GRIN2A: variants seen among roughly 807,000 people sequenced by gnomAD.
GRIN2A encodes glutamate receptor ionotropic, NMDA 2A.
Under a neutral mutation model 113.4 loss-of-function variants are expected in GRIN2A, and 22 were observed. The ratio of observed to expected loss-of-function variants is 0.19; its 90% CI spans 0.14 to 0.28. The LOEUF is 0.28. GRIN2A is among the 10% of genes least tolerant of loss of function. The pLI, the probability that GRIN2A is intolerant of heterozygous loss-of-function variation, is 1.00. For missense variants in GRIN2A, 1,502 were observed against 1,887.0 expected (o/e 0.80, Z 3.78); for synonymous variants, 827 against 738.4 (o/e 1.12, Z -1.94).
chr16:9,816,736 G>A (rs1434714515), intron 10 of GRIN2A, among the ~76,000 whole-genome samples: 1 of 152,128 alleles, frequency 6.6e-6, no homozygotes, highest in Non-Finnish European at 1.5e-5. Context: ...TTTGATTAGG[G>A]CATATCGGAG....
chr16:9,769,148 C>A, intron 11 of GRIN2A, 59 bp from the exon 12 acceptor site: 1 of 1,329,086 alleles, frequency 7.5e-7, no homozygotes, highest in Non-Finnish European at 1.1e-6. Flanking sequence ...TTGGGGCAGA[C>A]GCTTCTGGGT....
At chr16:10,166,777 C>T (rs1183566988) in intron 2 of GRIN2A, among the ~76,000 whole-genome samples, 3 of 152,172 alleles carry the variant, frequency 2.0e-5, no homozygotes, top group African/African-American at 7.2e-5. Context: ...TCTCCCTCTG[C>T]CAACCCCTGA....
At chr16:9,940,061 A>AGAGAGT (rs536496290) in intron 2 of GRIN2A, among the ~76,000 whole-genome samples, 1 of 142,898 alleles carries the variant, frequency 7.0e-6, no homozygotes, top group African/African-American at 2.6e-5. Context: ...AGAGAGAGAG[A>AGAGAGT]GTGTGTGTGT....
intron 3 of GRIN2A, among the ~76,000 whole-genome samples, chr16:9,908,427 A>G (rs1043486969): frequency 1.3e-5 from 2 of 151,946 alleles, no homozygotes; most frequent in African/African-American, 4.8e-5. Context: ...TCTTTTTACT[A>G]TAGTCCTTCT....
At chr16:10,118,791 T>A (rs908981799) in intron 2 of GRIN2A, among the ~76,000 whole-genome samples, 2 of 152,202 alleles carry the variant, frequency 1.3e-5, no homozygotes, top group African/African-American at 2.4e-5. Context: ...CCAGAGACTG[T>A]CACAGAATTT....
At chr16:9,811,987 A>G (rs1214305636) in intron 10 of GRIN2A, among the ~76,000 whole-genome samples, 3 of 152,226 alleles carry the variant, frequency 2.0e-5, no homozygotes, top group African/African-American at 7.2e-5. Flanking sequence ...TTGAAACAGT[A>G]GTAAAGATTT....
At chr16:9,873,528 C>A (rs566271903) in intron 4 of GRIN2A, among the ~76,000 whole-genome samples, 24 of 142,964 alleles carry the variant, frequency 1.7e-4, no homozygotes, top group African/African-American at 6.5e-4. Context: ...AAGTGAGACA[C>A]CCCCCATCTC....
At chr16:10,064,418 G>T (rs1485433815) in intron 2 of GRIN2A, among the ~76,000 whole-genome samples, 1 of 152,166 alleles carries the variant, frequency 6.6e-6, no homozygotes, top group Non-Finnish European at 1.5e-5. Context: ...CCCTGCACCA[G>T]AGATCCTCAA....
chr16:10,179,057 T>C (rs2050206578), intron 2 of GRIN2A, among the ~76,000 whole-genome samples: 1 of 152,234 alleles, frequency 6.6e-6, no homozygotes, highest in Admixed American at 6.5e-5. Context: ...CCTCCACTTC[T>C]GTGTAATTCC....
intron 2 of GRIN2A, among the ~76,000 whole-genome samples, chr16:10,160,412 TA>T (rs1228521994): frequency 6.6e-6 from 1 of 152,250 alleles, no homozygotes; most frequent in Non-Finnish European, 1.5e-5. Context: ...TTCTAGCTTC[TA>T]AATTCCACCC....
At chr16:9,765,735 A>G (rs541365131) in intron 12 of GRIN2A, among the ~76,000 whole-genome samples, 39 of 152,158 alleles carry the variant, frequency 2.6e-4, no homozygotes, top group Non-Finnish European at 4.4e-4. Context: ...GACTCAATCT[A>G]TTCCTTGTGT....
intron 2 of GRIN2A, among the ~76,000 whole-genome samples, chr16:10,055,606 G>A (rs150490446): frequency 6.6e-6 from 1 of 152,328 alleles, no homozygotes; most frequent in African/African-American, 2.4e-5. Flanking sequence ...CTGGCACCAA[G>A]CTGCAAACTC....
intron 11 of GRIN2A, among the ~76,000 whole-genome samples, chr16:9,791,283 G>A (rs1380899364): frequency 5.3e-5 from 8 of 152,092 alleles, no homozygotes; most frequent in African/African-American, 1.9e-4. Context: ...CAGGAAATGG[G>A]GTTAGGAAAA....
At chr16:9,930,743 G>GTTTT (rs2044571566) in intron 3 of GRIN2A, among the ~76,000 whole-genome samples, 1 of 152,182 alleles carries the variant, frequency 6.6e-6, no homozygotes, top group Non-Finnish European at 1.5e-5. Context: ...AAAACCAACA[G>GTTTT]TGATCATTCT....
chr16:10,077,459 C>T (rs1256253447), intron 2 of GRIN2A, among the ~76,000 whole-genome samples: 2 of 152,190 alleles, frequency 1.3e-5, no homozygotes, highest in African/African-American at 2.4e-5. Flanking sequence ...ACATCCCACA[C>T]TCTCACCACT....
At position 9,822,315 on chromosome 16, in the gene GRIN2A, G is replaced by A. The variant is rs1423127538; in HGVS notation, c.2117C>T (p.Thr706Ile). ...NNYPYMHQYM[T>I]KFNQKGVEDA... Reference sequence around the variant, plus strand: ...CTCTACTCCTTTCTGATTAAATTTGGTCATGTACTGATGCATGTAGGGATA... The same window carrying A: ...CTCTACTCCTTTCTGATTAAATTTGATCATGTACTGATGCATGTAGGGATA... The change falls in exon 10 of 13, where the codon ACC becomes ATC. Residue 706 changes from threonine (T) to isoleucine (I), a missense_variant. Physicochemically the swap from Thr to Ile is moderately conservative, Grantham distance 89. This residue lies in a region of GRIN2A where 101 missense variants were observed against 240.4 expected (regional missense o/e 0.42). Transcript: ENST00000330684. 2 of 1,612,624 alleles carry A rather than the reference G, an allele frequency of 1.2e-6. No individual in the cohort carries two copies. Among genetic ancestry groups the A allele is most frequent in the African/African-American group, 2.7e-5 (2 of 74,840 alleles).
chr16:10,088,316 C>T (rs11640629), intron 2 of GRIN2A, among the ~76,000 whole-genome samples: 23,344 of 152,124 alleles, frequency 0.15, 1,867 homozygotes, highest in Admixed American at 0.2. Context: ...TGTCACTGAG[C>T]ACAAACAGGT....
At chr16:9,939,913 A>T (rs1351426523) in intron 2 of GRIN2A, among the ~76,000 whole-genome samples, 1 of 152,176 alleles carries the variant, frequency 6.6e-6, no homozygotes, top group African/African-American at 2.4e-5. Context: ...TGAAAGAATT[A>T]TCAAAAGGTC....
intron 2 of GRIN2A, among the ~76,000 whole-genome samples, chr16:9,945,459 C>T (rs2044996268): frequency 6.6e-6 from 1 of 152,124 alleles, no homozygotes; most frequent in Non-Finnish European, 1.5e-5. Context: ...AGTGGTGAGA[C>T]ATGAGTTAGG....
Sources: allele counts gnomAD v4.1 joint callset (sites outside exome capture counted in the v4.1 genomes callset), GRCh38; gene constraint gnomAD v4.1.1; regional missense constraint gnomAD v4.1.1; transcripts MANE v1.5; gene names NCBI Gene and HGNC (gene_info 2026-07-23, HGNC 2026-07-21).